KHDRBS2: variants seen among roughly 807,000 people sequenced by gnomAD.
KHDRBS2 encodes KH domain-containing, RNA-binding, signal transduction-associated protein 2.
A neutral mutation model predicts 44.3 loss-of-function variants in KHDRBS2; 26 were observed. The observed-to-expected ratio is 0.59, with a 90% CI of 0.43 to 0.81. The LOEUF is 0.81. KHDRBS2 is among the 40% of genes least tolerant of loss of function. KHDRBS2 has a pLI of 0.00. For synonymous variants in KHDRBS2, 194 were observed against 151.1 expected, an observed-to-expected ratio of 1.28 and a Z score of -2.08; for missense variants, 476 against 433.1, an observed-to-expected ratio of 1.10 and a Z score of -0.88.
chr6:62,084,855 T>A (rs73758656), intron 2 of KHDRBS2, among the ~76,000 whole-genome samples: 3,729 of 152,234 alleles, frequency 0.024, 162 homozygotes, highest in African/African-American at 0.084. Context: ...ACGATTTTCA[T>A]GACAAATTAA....
chr6:62,232,895 A>G (rs868006925), intron 1 of KHDRBS2, among the ~76,000 whole-genome samples: 12 of 152,184 alleles, frequency 7.9e-5, no homozygotes, highest in South Asian at 2.1e-4. Flanking sequence ...AAGTACAACA[A>G]GGTCAAACAG....
At chr6:61,975,524 A>G (rs1772409677) in intron 4 of KHDRBS2, among the ~76,000 whole-genome samples, 1 of 152,116 alleles carries the variant, frequency 6.6e-6, no homozygotes, top group Non-Finnish European at 1.5e-5. Flanking sequence ...TGCTGATGCA[A>G]GCAAGGCAAA....
At chr6:62,078,765 A>G (rs1796830225) in intron 2 of KHDRBS2, among the ~76,000 whole-genome samples, 1 of 152,046 alleles carries the variant, frequency 6.6e-6, no homozygotes, top group Non-Finnish European at 1.5e-5. Flanking sequence ...AATGTACTTT[A>G]GTTTCTACTT....
chr6:62,077,690 C>T (rs374705236), intron 2 of KHDRBS2, among the ~76,000 whole-genome samples: 21 of 151,962 alleles, frequency 1.4e-4, no homozygotes, highest in African/African-American at 4.1e-4. Flanking sequence ...ATTGAACTAC[C>T]GCAGCAACTG....
Position 62,051,134 on chromosome 6 carries a change from G to T in KHDRBS2, c.220-3140C>A, listed in dbSNP as rs552770740. Reference sequence around the variant, plus strand: ...CTGAAGTTGAACTGGCTGGAAAGCGGCATGAAGGAAATATCTGGGGTGACA... The same window carrying T: ...CTGAAGTTGAACTGGCTGGAAAGCGTCATGAAGGAAATATCTGGGGTGACA... On this transcript the variant is annotated intron_variant, in intron 2 of 8. Coordinates refer to ENST00000281156, the MANE Select transcript of KHDRBS2 (RefSeq NM_152688.4). 3.3e-5 allele frequency among the ~76,000 whole-genome samples: 5 copies of T among 152,140 alleles called. 1 individual carries two copies. In the South Asian group the frequency reaches 8.3e-4, roughly 25 times the overall value.
At chr6:61,609,460 G>A in the KHDRBS2 span, among the ~76,000 whole-genome samples, 61 of 152,250 alleles carry the variant, frequency 4.0e-4, 1 homozygote, top group Middle Eastern at 3.4e-3. Context: ...TATTTATAAT[G>A]TTGGTGAATC....
intron 2 of KHDRBS2, among the ~76,000 whole-genome samples, chr6:62,065,967 T>G (rs1286066624): frequency 6.6e-6 from 1 of 151,740 alleles, no homozygotes; most frequent in African/African-American, 2.4e-5. Context: ...ATATTTTTCT[T>G]TCATAGAGAC....
intron 4 of KHDRBS2, among the ~76,000 whole-genome samples, chr6:61,951,123 C>T (rs1724239506): frequency 6.6e-6 from 1 of 151,820 alleles, no homozygotes; most frequent in Admixed American, 6.6e-5. Context: ...TTCAATATTT[C>T]AAAAATGGGT....
At chr6:62,228,696 G>C (rs1038922578) in intron 1 of KHDRBS2, among the ~76,000 whole-genome samples, 12 of 151,904 alleles carry the variant, frequency 7.9e-5, no homozygotes, top group Non-Finnish European at 1.6e-4. Flanking sequence ...TCCTAACACT[G>C]TGTTAGCTGT....
the KHDRBS2 span, among the ~76,000 whole-genome samples, chr6:61,613,131 C>T: frequency 6.6e-6 from 1 of 152,132 alleles, no homozygotes; most frequent in Non-Finnish European, 1.5e-5. Flanking sequence ...GGATTACAGG[C>T]GTGAGCCACT....
At chr6:61,801,561 T>A (rs1358531254) in intron 6 of KHDRBS2, among the ~76,000 whole-genome samples, 1 of 152,196 alleles carries the variant, frequency 6.6e-6, no homozygotes, top group African/African-American at 2.4e-5. Context: ...CTCATTTGTC[T>A]TATTCAATTT....
chr6:61,830,134 A>T (rs1562262532), intron 6 of KHDRBS2, among the ~76,000 whole-genome samples: 1 of 152,216 alleles, frequency 6.6e-6, no homozygotes, highest in East Asian at 1.9e-4. Context: ...CACATTTTCC[A>T]TGTCCTCTCT....
intron 7 of KHDRBS2, among the ~76,000 whole-genome samples, chr6:61,720,954 T>A (rs1333210516): frequency 1.3e-5 from 2 of 150,972 alleles, no homozygotes; most frequent in Non-Finnish European, 2.9e-5. Context: ...TTGATTTTTG[T>A]ATAAGGTGTA....
intron 6 of KHDRBS2, among the ~76,000 whole-genome samples, chr6:61,864,042 T>G (rs748741224): frequency 1.4e-4 from 22 of 152,136 alleles, no homozygotes; most frequent in Non-Finnish European, 2.4e-4. Flanking sequence ...GTTATGTAAT[T>G]CCCTTCTTTG....
chr6:61,656,241 T>C, the KHDRBS2 span, among the ~76,000 whole-genome samples: 2 of 152,026 alleles, frequency 1.3e-5, no homozygotes, highest in African/African-American at 4.8e-5. Context: ...GTAAAAACCA[T>C]ATAGCCTCAT....
chr6:62,238,114 T>C (rs1284688436), intron 1 of KHDRBS2, among the ~76,000 whole-genome samples: 3 of 151,826 alleles, frequency 2.0e-5, no homozygotes, highest in Non-Finnish European at 4.4e-5. Context: ...CGCTTAAAAA[T>C]TGTCAAATTA....
At chr6:61,929,642 G>A (rs1809645269) in intron 4 of KHDRBS2, among the ~76,000 whole-genome samples, 1 of 152,102 alleles carries the variant, frequency 6.6e-6, no homozygotes, top group African/African-American at 2.4e-5. Flanking sequence ...TACTCAAAAT[G>A]CACTAGTTTA....
At chr6:62,007,803 C>T (rs1027503238) in intron 3 of KHDRBS2, among the ~76,000 whole-genome samples, 1 of 152,024 alleles carries the variant, frequency 6.6e-6, no homozygotes, top group African/African-American at 2.4e-5. Context: ...AAACCTGCTG[C>T]TTTATGTCTT....
chr6:61,672,832 C>A, the KHDRBS2 span, among the ~76,000 whole-genome samples: 20,246 of 149,254 alleles, frequency 0.14, 1,763 homozygotes, highest in South Asian at 0.26. Flanking sequence ...TTTTGCTGTG[C>A]AGAAGCTCTT....
Sources: gnomAD v4.1 joint callset for allele counts (sites outside exome capture counted in the v4.1 genomes callset) on GRCh38, gnomAD v4.1.1 for gene constraint, MANE v1.5 for transcripts, NCBI Gene and HGNC (gene_info 2026-07-23, HGNC 2026-07-21) for gene names.